The following EPN2 variants were observed in gnomAD, a reference collection of about 807,000 sequenced individuals.
EPN2 encodes the protein epsin-2.
In EPN2, 34 loss-of-function variants were observed where a neutral mutation model predicts 61.7. That is an observed-to-expected ratio of 0.55 (90% CI 0.42 to 0.73). The LOEUF (loss-of-function observed/expected upper bound fraction) is 0.73. Among genes scored for constraint, EPN2 ranks in the 30% least tolerant of loss-of-function variants. The pLI, the probability that EPN2 is intolerant of heterozygous loss-of-function variation, is 0.00. For synonymous variants in EPN2, 349 were observed against 353.6 expected, an observed-to-expected ratio of 0.99 and a Z score of 0.15; for missense variants, 714 against 839.2, an observed-to-expected ratio of 0.85 and a Z score of 1.84.
At chr17:19,281,692 T>C (rs975146976) in intron 1 of EPN2, among the ~76,000 whole-genome samples, 12 of 152,018 alleles carry the variant, frequency 7.9e-5, no homozygotes, top group African/African-American at 2.9e-4. Context: ...GTTCCTCACT[T>C]GTGTAGTGGG....
At chr17:19,271,274 G>T (rs746116496) in intron 1 of EPN2, among the ~76,000 whole-genome samples, 8 of 152,204 alleles carry the variant, frequency 5.3e-5, no homozygotes, top group Non-Finnish European at 1.0e-4. Context: ...GTGCCTGATG[G>T]GTTCTGAGGA....
intron 1 of EPN2, among the ~76,000 whole-genome samples, chr17:19,256,831 G>A (rs2045085561): frequency 6.6e-6 from 1 of 152,132 alleles, no homozygotes; most frequent in African/African-American, 2.4e-5. Context: ...AGCCTGATTT[G>A]TGCTTAATAC....
intron 1 of EPN2, among the ~76,000 whole-genome samples, chr17:19,250,829 G>GA (rs1266625563): frequency 6.6e-6 from 1 of 151,912 alleles, no homozygotes; most frequent in Non-Finnish European, 1.5e-5. Flanking sequence ...TTCATACCCT[G>GA]CTACTTGCCC....
At chr17:19,312,892 G>T in intron 6 of EPN2, 1 of 544,862 alleles carries the variant, frequency 1.8e-6, no homozygotes, top group Non-Finnish European at 3.2e-6. Flanking sequence ...TCTGGTGAGG[G>T]GGTTTAGCAA....
chr17:19,273,010 A>G (rs1284382864), intron 1 of EPN2: 1 of 152,234 alleles, frequency 6.6e-6, no homozygotes, highest in African/African-American at 2.4e-5. Context: ...GCATGTTGAT[A>G]ACAAGAAATT....
intron 7 of EPN2, among the ~76,000 whole-genome samples, chr17:19,326,574 C>T (rs2152238207): frequency 6.6e-6 from 1 of 150,400 alleles, no homozygotes; most frequent in Admixed American, 6.7e-5. Context: ...GTAGTCCCAG[C>T]TACTCGGGAG....
At chr17:19,301,383 C>A (rs1307663350) in intron 4 of EPN2, among the ~76,000 whole-genome samples, 1 of 152,172 alleles carries the variant, frequency 6.6e-6, no homozygotes, top group Non-Finnish European at 1.5e-5. Flanking sequence ...CTGCCCATAA[C>A]CCCTGGTCAG....
chr17:19,273,718 C>CTT (rs1273044461), intron 1 of EPN2, among the ~76,000 whole-genome samples: 9 of 152,186 alleles, frequency 5.9e-5, no homozygotes, highest in African/African-American at 2.2e-4. Context: ...TAGATGCCCA[C>CTT]TTTCAGTTAG....
chr17:19,328,796 G>A lies in EPN2; in HGVS notation c.1233G>A (p.Trp411Ter). The A allele has an allele frequency of 6.2e-7, 1 of 1,613,662 alleles. No individual in the cohort carries two copies. The highest frequency in any genetic ancestry group is 8.5e-7 in the Non-Finnish European group (1 of 1,179,700). Residue 411 changes from tryptophan (W) to a stop codon, truncating the protein, a stop_gained, in exon 8 of 11, where the codon TGG (tryptophan) becomes TGA (stop). Coordinates refer to ENST00000314728, the MANE Select transcript of EPN2 (RefSeq NM_014964.5). LOFTEE classifies it high-confidence loss of function. The stretch of plus-strand genomic sequence containing the variant: ...CTGTCCCCAAGAACTCGGACCCCTG[G>A]GCAGCTTCACAGCAGCCTGCCTCCA... Reference protein sequence around the residue: ...VQSVPKNSDPWAASQQPASSA... With the variant: ...VQSVPKNSDP
chr17:19,333,410 A>G (rs537916065), intron 10 of EPN2, among the ~76,000 whole-genome samples: 5 of 152,360 alleles, frequency 3.3e-5, no homozygotes, highest in African/African-American at 9.6e-5. Context: ...AGTTGGTGCC[A>G]GCAGCGCACA....
Position 19,260,327 on chromosome 17 carries a change from G to A in EPN2, c.-293-21628G>A, listed in dbSNP as rs111301193. Among the ~76,000 whole-genome samples, 1,459 of 152,338 alleles carry A rather than the reference G, an allele frequency of 9.6e-3. 7 individuals carry two copies. The highest frequency in any genetic ancestry group is 0.014 in the Non-Finnish European group (981 of 68,024). On this transcript the variant is annotated intron_variant, in intron 1 of 10. Coordinates refer to ENST00000314728, the MANE Select transcript of EPN2 (RefSeq NM_014964.5). Reference sequence around the variant, plus strand: ...AGACTGAGTGGATAGCAGGCTGGATGGGGGCATTGACAGTGGGGGAAGCAT... The same window carrying A: ...AGACTGAGTGGATAGCAGGCTGGATAGGGGCATTGACAGTGGGGGAAGCAT...
intron 1 of EPN2, among the ~76,000 whole-genome samples, chr17:19,251,585 C>T (rs901078415): frequency 6.6e-6 from 1 of 152,100 alleles, no homozygotes; most frequent in African/African-American, 2.4e-5. Context: ...AGGTGCACGC[C>T]GCCACTCCTG....
At chr17:19,326,061 G>A (rs1906852880) in intron 7 of EPN2, among the ~76,000 whole-genome samples, 1 of 152,148 alleles carries the variant, frequency 6.6e-6, no homozygotes, top group African/African-American at 2.4e-5. Context: ...ACAAATATCT[G>A]TGGGAGATAA....
rs56029511 is a variant in EPN2, at chr17:19,283,006, G to A, written c.-114G>A. 1.4e-6 allele frequency: 1 copy of A among 715,776 alleles called. No individual in the cohort carries two copies. Among genetic ancestry groups the A allele is most frequent in the South Asian group, 2.0e-5 (1 of 49,948 alleles). The allele number at this position is 715,776 out of a possible 1,614,324, so 44.3% of individuals were successfully genotyped here. The stretch of plus-strand genomic sequence containing the variant: ...TCCAAAGGAGGAAATGACCATTCAG[G>A]GATCTTACTCCAGCTTGATTACGGA... On this transcript the variant is annotated 5_prime_UTR_variant, in exon 3 of 11. Transcript: ENST00000314728. This position sits in a 1 kb window ranked among gnomAD's most constrained non-coding sequence, Gnocchi z 7.0.
At chr17:19,315,929 C>T (rs536901300) in intron 7 of EPN2, among the ~76,000 whole-genome samples, 1 of 152,328 alleles carries the variant, frequency 6.6e-6, no homozygotes, top group East Asian at 1.9e-4. Flanking sequence ...CCAGTATGTG[C>T]TTTCTATCTC....
rs1381584353 is a variant in EPN2, at chr17:19,285,014, A to G, written c.596-606A>G. 6.6e-6 allele frequency among the ~76,000 whole-genome samples: 1 copy of G among 152,224 alleles called. No homozygotes were observed. Among genetic ancestry groups the G allele is most frequent in the African/African-American group, 2.4e-5 (1 of 41,450 alleles). On this transcript the variant is annotated intron_variant, in intron 3 of 10. Transcript: ENST00000314728. This position sits in a 1 kb window ranked among gnomAD's most constrained non-coding sequence, Gnocchi z 4.5. ...CTCAATGCAGGGTTAAATTGCACCA[A>G]AACAAATGAAGATTGCCCTTTAAGA...
chr17:19,304,125 C>T (rs1905695487), intron 4 of EPN2, among the ~76,000 whole-genome samples: 1 of 110,008 alleles, frequency 9.1e-6, no homozygotes, highest in Non-Finnish European at 2.0e-5. Context: ...AATAAATAAC[C>T]TGGTGTAATC....
intron 4 of EPN2, among the ~76,000 whole-genome samples, chr17:19,299,445 C>T (rs1360372507): frequency 6.6e-6 from 1 of 152,212 alleles, no homozygotes; most frequent in Non-Finnish European, 1.5e-5. Context: ...ACTGCTGGTC[C>T]CCAGCCATGA....
chr17:19,318,839 T>C (rs1349112205), intron 7 of EPN2, among the ~76,000 whole-genome samples: 1 of 151,418 alleles, frequency 6.6e-6, no homozygotes, highest in East Asian at 1.9e-4. Flanking sequence ...TCATGGAGAG[T>C]GCTTCAGAAC....
Sources: gnomAD v4.1 joint callset for allele counts (sites outside exome capture counted in the v4.1 genomes callset) on GRCh38, gnomAD v4.1.1 for gene constraint, Gnocchi (gnomAD v3.1) non-coding constraint, MANE v1.5 for transcripts, NCBI Gene and HGNC (gene_info 2026-07-23, HGNC 2026-07-21) for gene names.